The following EPHA3 variants were observed in gnomAD, a reference collection of about 807,000 sequenced individuals.
The protein encoded by EPHA3 is ephrin type-A receptor 3.
In EPHA3, 42 loss-of-function variants were observed where a neutral mutation model predicts 107.1. That is an observed-to-expected ratio of 0.39 (90% CI 0.31 to 0.51). The LOEUF (loss-of-function observed/expected upper bound fraction) is 0.51. Among genes scored for constraint, EPHA3 ranks in the 20% least tolerant of loss-of-function variants. The probability of loss-of-function intolerance (pLI) is 0.78; values close to 1 mark genes in which losing one functional copy is unlikely to be tolerated. For missense variants in EPHA3, 1,183 were observed against 1,211.2 expected, an observed-to-expected ratio of 0.98 and a Z score of 0.35; for synonymous variants, 461 against 424.8, an observed-to-expected ratio of 1.09 and a Z score of -1.05.
At chr3:89,351,078 T>G (rs9756645) in intron 5 of EPHA3, among the ~76,000 whole-genome samples, 2,336 of 151,028 alleles carry the variant, frequency 0.015, 68 homozygotes, top group African/African-American at 0.05. Context: ...TTGTTTGTCT[T>G]TGCCCTGCCC....
chr3:89,321,014 T>TC lies in EPHA3; in HGVS notation c.815-19902_815-19901insC, dbSNP rs552198866. Among the ~76,000 whole-genome samples, 9 of 152,030 alleles carry TC rather than the reference T, an allele frequency of 5.9e-5. No homozygotes were observed. In the South Asian group the frequency reaches 1.2e-3, roughly 21 times the overall value. ...ATTTTATGAGAGACTGCCTTTTTTT[T>TC]TCTCTCTCTCTATAACAAAGTTCAC... is the stretch of plus-strand genomic sequence containing the variant. On this transcript the variant is annotated intron_variant, in intron 3 of 16. Transcript: ENST00000336596.
intron 3 of EPHA3, among the ~76,000 whole-genome samples, chr3:89,333,500 A>G (rs1325112860): frequency 6.6e-6 from 1 of 152,180 alleles, no homozygotes; most frequent in Non-Finnish European, 1.5e-5. Flanking sequence ...TTTGCTCGAT[A>G]ATGCACAAGC....
intron 15 of EPHA3, among the ~76,000 whole-genome samples, chr3:89,471,698 A>G (rs1710405816): frequency 6.6e-6 from 1 of 151,938 alleles, no homozygotes; most frequent in Non-Finnish European, 1.5e-5. Context: ...GTGCAATATA[A>G]ATCACAATTA....
intron 2 of EPHA3, among the ~76,000 whole-genome samples, chr3:89,194,595 C>A (rs1329919996): frequency 6.6e-6 from 1 of 152,042 alleles, no homozygotes; most frequent in African/African-American, 2.4e-5. Context: ...AGGACAAAAT[C>A]TCTGTATCTG....
chr3:89,336,193 C>A (rs116246238), intron 3 of EPHA3, among the ~76,000 whole-genome samples: 7,118 of 152,150 alleles, frequency 0.047, 503 homozygotes, highest in African/African-American at 0.16. Context: ...ATATGTGCAA[C>A]CTCCTTCAGC....
At chr3:89,292,648 A>G (rs1263337724) in intron 3 of EPHA3, among the ~76,000 whole-genome samples, 1 of 152,218 alleles carries the variant, frequency 6.6e-6, no homozygotes, top group Non-Finnish European at 1.5e-5. Flanking sequence ...TATAGAAAGC[A>G]TTAGCATATC....
intron 7 of EPHA3, among the ~76,000 whole-genome samples, chr3:89,404,442 A>G (rs748800200): frequency 6.6e-6 from 1 of 152,220 alleles, no homozygotes; most frequent in Non-Finnish European, 1.5e-5. Flanking sequence ...ACTCAAAAGA[A>G]TGAACTCTGA....
chr3:89,213,403 A>G (rs537714725), intron 3 of EPHA3, among the ~76,000 whole-genome samples: 66 of 152,126 alleles, frequency 4.3e-4, no homozygotes, highest in African/African-American at 1.4e-3. Context: ...GGTCCTGAAG[A>G]GAATAGACTT....
At position 89,360,836 on chromosome 3, in the gene EPHA3, G is replaced by T. The variant is rs1196340107; in HGVS notation, c.1306+18746G>T. ...TATGTCATAACTAATCAAATTTCCTGTGTAATTTCAAATATTTAATTCACT... is the reference window on the plus strand; with the variant it reads ...TATGTCATAACTAATCAAATTTCCTTTGTAATTTCAAATATTTAATTCACT... On this transcript the variant is annotated intron_variant, in intron 5 of 16. Coordinates refer to ENST00000336596, the MANE Select transcript of EPHA3 (RefSeq NM_005233.6). 1.3e-5 allele frequency among the ~76,000 whole-genome samples: 2 copies of T among 150,964 alleles called. 1 individual carries two copies. Among genetic ancestry groups the T allele is most frequent in the Non-Finnish European group, 3.0e-5 (2 of 67,476 alleles).
intron 8 of EPHA3, among the ~76,000 whole-genome samples, chr3:89,407,792 A>G (rs1350485947): frequency 6.6e-6 from 1 of 152,100 alleles, no homozygotes; most frequent in Non-Finnish European, 1.5e-5. Flanking sequence ...AAAAAATACT[A>G]TAAACACATT....
At chr3:89,427,887 TCAAAGCATC>T (rs1709490288) in intron 11 of EPHA3, among the ~76,000 whole-genome samples, 1 of 151,980 alleles carries the variant, frequency 6.6e-6, no homozygotes, top group South Asian at 2.1e-4. Flanking sequence ...TTCTTTTATA[TCAAAGCATC>T]CTTTTTTTGG....
In EPHA3 at chr3:89,480,382, C is replaced by T. The variant is rs1317208721; in HGVS notation, c.*880C>T. On this transcript the variant is annotated 3_prime_UTR_variant, in exon 17 of 17. Transcript: ENST00000336596. ...AATCTGTTATCCCAATCATTGTTGCCTCTCCGTTTATTATAAACTGTATGC... is the reference window on the plus strand; with the variant it reads ...AATCTGTTATCCCAATCATTGTTGCTTCTCCGTTTATTATAAACTGTATGC... The T allele has an allele frequency of 4.3e-6, 1 of 233,170 alleles. No homozygotes were observed. The highest frequency in any genetic ancestry group is 5.6e-5 in the Admixed American group (1 of 17,788). The allele number at this position is 233,170 out of a possible 1,614,324, so 14.4% of individuals were successfully genotyped here.
At chr3:89,289,413 G>A (rs564921045) in intron 3 of EPHA3, among the ~76,000 whole-genome samples, 21 of 151,794 alleles carry the variant, frequency 1.4e-4, no homozygotes, top group Non-Finnish European at 2.8e-4. Context: ...AACTCCTGGG[G>A]GTGTTCTATG....
At chr3:89,308,871 A>G (rs1403694319) in intron 3 of EPHA3, among the ~76,000 whole-genome samples, 2 of 152,178 alleles carry the variant, frequency 1.3e-5, no homozygotes, top group Non-Finnish European at 2.9e-5. Context: ...AATGGATTAG[A>G]TGACAAAGGC....
At chr3:89,341,308 C>T (rs1707515952) in intron 4 of EPHA3, among the ~76,000 whole-genome samples, 1 of 152,214 alleles carries the variant, frequency 6.6e-6, no homozygotes, top group African/African-American at 2.4e-5. Flanking sequence ...AAAGAGAGAA[C>T]ATTTTCTGTG....
At chr3:89,222,343 A>G (rs1181042233) in intron 3 of EPHA3, among the ~76,000 whole-genome samples, 1 of 147,156 alleles carries the variant, frequency 6.8e-6, no homozygotes, top group African/African-American at 2.5e-5. Flanking sequence ...ATATATATAT[A>G]TATATATATA....
chr3:89,280,780 T>A (rs994058526), intron 3 of EPHA3, among the ~76,000 whole-genome samples: 1 of 152,110 alleles, frequency 6.6e-6, no homozygotes, highest in Non-Finnish European at 1.5e-5. Context: ...ATATTACAAC[T>A]ATATCTTGCT....
intron 1 of EPHA3, among the ~76,000 whole-genome samples, chr3:89,121,094 G>A (rs1051565075): frequency 4.6e-5 from 7 of 152,084 alleles, no homozygotes; most frequent in African/African-American, 1.7e-4. Flanking sequence ...AAATTAGCCA[G>A]GCGTGGTGGC....
At chr3:89,341,486 G>A (rs1209093872) in intron 4 of EPHA3, among the ~76,000 whole-genome samples, 1 of 152,064 alleles carries the variant, frequency 6.6e-6, no homozygotes, top group Non-Finnish European at 1.5e-5. Flanking sequence ...TATTCACAAG[G>A]GTTTTGAACA....
Sources: allele counts gnomAD v4.1 joint callset (sites outside exome capture counted in the v4.1 genomes callset), GRCh38; gene constraint gnomAD v4.1.1; transcripts MANE v1.5; gene names NCBI Gene and HGNC (gene_info 2026-07-23, HGNC 2026-07-21).